Variants in LONRF2 observed in about 807,000 individuals in gnomAD.
The protein encoded by LONRF2 is LON peptidase N-terminal domain and RING finger protein 2.
LONRF2 carries 35 observed loss-of-function variants against 66.6 expected under a neutral mutation model. The observed-to-expected ratio is 0.53, with a 90% CI of 0.40 to 0.70. The LOEUF is 0.70. LONRF2 is among the 30% of genes least tolerant of loss of function. The pLI, the probability that LONRF2 is intolerant of heterozygous loss-of-function variation, is 0.00. For synonymous variants in LONRF2, 417 were observed against 418.1 expected (o/e 1.00, Z 0.03); for missense variants, 902 against 1,002.1 (o/e 0.90, Z 1.35).
At position 100,283,201 on chromosome 2, in the gene LONRF2, C is replaced by T. The variant is rs796720990; in HGVS notation, c.*1097G>A. 1.3e-4 allele frequency: 20 copies of T among 152,252 alleles called. No homozygotes were observed. The highest frequency in any genetic ancestry group is 4.8e-4 in the African/African-American group (20 of 41,534). 9.4% of individuals were successfully genotyped at this position (152,252 alleles called of 1,614,324 possible). Reference sequence around the variant, plus strand: ...TAACAGATAACACCTGGTCTGATCACCGTAAAACTTTCTTTCAAAAAAATA... The same window carrying T: ...TAACAGATAACACCTGGTCTGATCATCGTAAAACTTTCTTTCAAAAAAATA... On this transcript the variant is annotated 3_prime_UTR_variant, in exon 12 of 12. Coordinates refer to ENST00000393437, the MANE Select transcript of LONRF2 (RefSeq NM_198461.4).
At chr2:100,320,071 G>A (rs1675589430) in intron 1 of LONRF2, among the ~76,000 whole-genome samples, 1 of 152,108 alleles carries the variant, frequency 6.6e-6, no homozygotes, top group Admixed American at 6.5e-5. Context: ...GAATTTCAAA[G>A]GCTTAGTTTA....
At chr2:100,314,823 T>C (rs911787493) in intron 1 of LONRF2, among the ~76,000 whole-genome samples, 1 of 152,234 alleles carries the variant, frequency 6.6e-6, no homozygotes, top group Admixed American at 6.5e-5. Context: ...AGACTGTATA[T>C]GTGAGAGTCA....
At position 100,274,221 on chromosome 2, in the gene LONRF2, G is replaced by C. The variant is rs1400658204; in HGVS notation, c.*10077C>G. 1 of 151,936 alleles carries C rather than the reference G, an allele frequency of 6.6e-6. No homozygotes were observed. Among genetic ancestry groups the C allele is most frequent in the Admixed American group, 6.6e-5 (1 of 15,246 alleles). The allele number at this position is 151,936 out of a possible 1,614,324, so 9.4% of individuals were successfully genotyped here. On this transcript the variant is annotated 3_prime_UTR_variant, in exon 12 of 12. Transcript: ENST00000393437. ...CCAATCCTTCACCTCGAGGGCTGTC[G>C]TAGTACCCCGGGAGCCTCACATGAC...
intron 1 of LONRF2, among the ~76,000 whole-genome samples, chr2:100,311,957 T>C (rs1422179814): frequency 3.3e-5 from 5 of 152,212 alleles, no homozygotes; most frequent in Non-Finnish European, 5.9e-5. Context: ...AATTAGGATT[T>C]TGACATCTAT....
intron 10 of LONRF2, among the ~76,000 whole-genome samples, chr2:100,289,168 C>G (rs1339126249): frequency 8.1e-6 from 1 of 123,916 alleles, no homozygotes; most frequent in African/African-American, 2.8e-5. Context: ...TCAAACCGTG[C>G]TCACCACCAT....
intron 1 of LONRF2, among the ~76,000 whole-genome samples, chr2:100,314,641 A>G (rs1675470659): frequency 6.6e-6 from 1 of 152,154 alleles, no homozygotes; most frequent in East Asian, 1.9e-4. Context: ...TGCCTACCCC[A>G]AGTCCTTGAA....
Position 100,277,939 on chromosome 2 carries a change from C to T in LONRF2, c.*6359G>A, listed in dbSNP as rs1674633365. On this transcript the variant is annotated 3_prime_UTR_variant, in exon 12 of 12. Transcript: ENST00000393437. ...TTGCCAGGACACTCCTTCATCTCTT[C>T]AGAGTGGCAGGCATCACTGGAAGTC... is the stretch of plus-strand genomic sequence containing the variant. The T allele has an allele frequency of 6.6e-6, 1 of 152,176 alleles. No homozygotes were observed. The highest frequency in any genetic ancestry group is 1.5e-5 in the Non-Finnish European group (1 of 68,028). The allele number at this position is 152,176 out of a possible 1,614,324, so 9.4% of individuals were successfully genotyped here.
At chr2:100,311,440 G>A (rs116604382) in intron 1 of LONRF2, among the ~76,000 whole-genome samples, 2,009 of 152,150 alleles carry the variant, frequency 0.013, 12 homozygotes, top group Middle Eastern at 0.027. Flanking sequence ...AAACCTGTGT[G>A]AGAATGGAGA....
intron 2 of LONRF2, 128 bp from the exon 3 acceptor site, chr2:100,303,171 G>T: frequency 2.1e-6 from 2 of 974,634 alleles, no homozygotes; most frequent in Non-Finnish European, 2.9e-6. Context: ...AATAAACAAA[G>T]CCCATCAAAG....
Position 100,283,192 on chromosome 2 carries a change from G to A in LONRF2, c.*1106C>T, listed in dbSNP as rs1674775313. The A allele has an allele frequency of 1.3e-5, 2 of 152,034 alleles. No individual in the cohort carries two copies. Among genetic ancestry groups the A allele is most frequent in the South Asian group, 2.1e-4 (1 of 4,820 alleles). 9.4% of individuals were successfully genotyped at this position (152,034 alleles called of 1,614,324 possible). On this transcript the variant is annotated 3_prime_UTR_variant, in exon 12 of 12. Coordinates refer to ENST00000393437, the MANE Select transcript of LONRF2 (RefSeq NM_198461.4). ...ACTGTCCTTTAACAGATAACACCTGGTCTGATCACCGTAAAACTTTCTTTC... is the reference window on the plus strand; with the variant it reads ...ACTGTCCTTTAACAGATAACACCTGATCTGATCACCGTAAAACTTTCTTTC...
At chr2:100,313,702 T>C (rs1402187159) in intron 1 of LONRF2, among the ~76,000 whole-genome samples, 1 of 152,160 alleles carries the variant, frequency 6.6e-6, no homozygotes, top group Non-Finnish European at 1.5e-5. Context: ...TGTAGTTCAT[T>C]CCCAGGGCCT....
chr2:100,282,447 G>A lies in LONRF2; in HGVS notation c.*1851C>T, dbSNP rs970678388. 1 of 152,220 alleles carries A rather than the reference G, an allele frequency of 6.6e-6. No individual in the cohort carries two copies. The highest frequency in any genetic ancestry group is 6.5e-5 in the Admixed American group (1 of 15,278). The allele number at this position is 152,220 out of a possible 1,614,324, so 9.4% of individuals were successfully genotyped here. A position where few individuals can be genotyped will look rare whatever the true frequency, so the allele number is the denominator to read the frequency against. ...AAATTTTCCAAAAGGGAAAGGCAGA[G>A]AATGGTCAATGCATACTGATTTTCA... is the stretch of plus-strand genomic sequence containing the variant. On this transcript the variant is annotated 3_prime_UTR_variant, in exon 12 of 12. Transcript: ENST00000393437.
intron 1 of LONRF2, among the ~76,000 whole-genome samples, chr2:100,318,956 C>T (rs923831385): frequency 1.3e-5 from 2 of 151,572 alleles, no homozygotes; most frequent in African/African-American, 2.4e-5. Context: ...ATGGTGAAAC[C>T]CTGTCTCTAC....
Position 100,277,614 on chromosome 2 carries a change from C to A in LONRF2, c.*6684G>T, listed in dbSNP as rs1022675653. ...CAGAGGGTACAGATGGCATTGCCAA[C>A]CCTCATATAAATGATGGAGCCCAAG... On this transcript the variant is annotated 3_prime_UTR_variant, in exon 12 of 12. Transcript: ENST00000393437. The A allele has an allele frequency of 6.6e-6, 1 of 152,146 alleles. No homozygotes were observed. Among genetic ancestry groups the A allele is most frequent in the African/African-American group, 2.4e-5 (1 of 41,426 alleles). 9.4% of individuals were successfully genotyped at this position (152,146 alleles called of 1,614,324 possible). A position where few individuals can be genotyped will look rare whatever the true frequency, so the allele number is the denominator to read the frequency against.
intron 2 of LONRF2, among the ~76,000 whole-genome samples, chr2:100,303,825 CCTT>C (rs1380933646): frequency 6.6e-6 from 1 of 152,114 alleles, no homozygotes; most frequent in Non-Finnish European, 1.5e-5. Context: ...GTTGAGTTAA[CCTT>C]CTTGGATCTG....
At chr2:100,305,704 A>G (rs924766828) in intron 2 of LONRF2, among the ~76,000 whole-genome samples, 6 of 152,156 alleles carry the variant, frequency 3.9e-5, no homozygotes, top group Admixed American at 3.3e-4. Context: ...GAGCTCCCTG[A>G]AGTCTCAAAT....
intron 4 of LONRF2, among the ~76,000 whole-genome samples, 158 bp from the exon 5 acceptor site, chr2:100,300,076 G>A (rs1184973941): frequency 6.6e-6 from 1 of 151,982 alleles, no homozygotes; most frequent in Non-Finnish European, 1.5e-5. Flanking sequence ...TCTAAGATGA[G>A]CTTTATTCTT....
intron 1 of LONRF2, among the ~76,000 whole-genome samples, chr2:100,317,178 C>A: frequency 6.6e-6 from 1 of 152,088 alleles, no homozygotes; most frequent in South Asian, 2.1e-4. Flanking sequence ...TAAATTAAAT[C>A]CCCATTTTTC....
At chr2:100,287,372 G>A (rs191308134) in intron 10 of LONRF2, among the ~76,000 whole-genome samples, 31 of 152,174 alleles carry the variant, frequency 2.0e-4, no homozygotes, top group Admixed American at 3.3e-4. Flanking sequence ...AACTATTCAC[G>A]TAAGTTATTT....
Sources: gnomAD v4.1 joint callset for allele counts (sites outside exome capture counted in the v4.1 genomes callset) on GRCh38, gnomAD v4.1.1 for gene constraint, MANE v1.5 for transcripts, NCBI Gene and HGNC (gene_info 2026-07-23, HGNC 2026-07-21) for gene names.